LRRC18: variants seen among roughly 807,000 people sequenced by gnomAD.
The protein encoded by LRRC18 is leucine-rich repeat-containing protein 18.
Under a neutral mutation model 11.2 loss-of-function variants are expected in LRRC18, and 12 were observed. The observed-to-expected ratio is 1.07, with a 90% CI of 0.69 to 1.74. The LOEUF is 1.74. Among genes scored for constraint, LRRC18 ranks in the 40% most tolerant of loss-of-function variants. The pLI, the probability that LRRC18 is intolerant of heterozygous loss-of-function variation, is 0.00. For synonymous variants in LRRC18, 155 were observed against 130.6 expected, an observed-to-expected ratio of 1.19 and a Z score of -1.27; for missense variants, 374 against 330.5, an observed-to-expected ratio of 1.13 and a Z score of -1.02.
chr10:48,913,669 T>A (rs145385330), exon 1 of LRRC18: 2 of 1,613,716 alleles, frequency 1.2e-6, no homozygotes, highest in Non-Finnish European at 1.7e-6. Flanking sequence ...AGCTTGGAGA[T>A]GCTCACGGGG....
At chr10:48,914,980 A>G (rs573417277), upstream of LRRC18, among the ~76,000 whole-genome samples, 3 of 152,286 alleles carry the variant, frequency 2.0e-5, no homozygotes, top group Non-Finnish European at 4.4e-5. Context: ...AACTTGATAA[A>G]TGGCCGTGAC....
the LRRC18 span, among the ~76,000 whole-genome samples, chr10:48,937,915 C>T: frequency 6.6e-6 from 1 of 152,134 alleles, no homozygotes; most frequent in African/African-American, 2.4e-5. Flanking sequence ...CTGTCCCTGC[C>T]ACACTCTACC....
chr10:48,916,979 A>T (rs985582705), upstream of LRRC18, among the ~76,000 whole-genome samples: 3 of 151,978 alleles, frequency 2.0e-5, no homozygotes, highest in Admixed American at 6.6e-5. Flanking sequence ...GTCCCATAAG[A>T]TTGTGATACT....
chr10:48,925,137 C>T, the LRRC18 span, among the ~76,000 whole-genome samples: 1 of 152,220 alleles, frequency 6.6e-6, no homozygotes, highest in Non-Finnish European at 1.5e-5. Context: ...CTCAACAACT[C>T]ACTCATTCAA....
the LRRC18 span, among the ~76,000 whole-genome samples, chr10:48,928,844 A>G: frequency 1.3e-5 from 2 of 152,296 alleles, no homozygotes; most frequent in South Asian, 4.1e-4. Context: ...ACACAGCTGA[A>G]CTTCCCACAG....
At chr10:48,918,473 G>A (rs1838752559), upstream of LRRC18, among the ~76,000 whole-genome samples, 2 of 152,222 alleles carry the variant, frequency 1.3e-5, no homozygotes, top group African/African-American at 4.8e-5. Context: ...AAATTTACAG[G>A]AAGTAAGACC....
chr10:48,913,331 C>T, intron 1 of LRRC18, 61 bp downstream of exon 3: 1 of 1,513,110 alleles, frequency 6.6e-7, no homozygotes, highest in South Asian at 1.2e-5. Context: ...TGGAGGTAGC[C>T]CACTGCCCTC....
the LRRC18 span, among the ~76,000 whole-genome samples, chr10:48,919,605 A>G: frequency 1.3e-5 from 2 of 152,216 alleles, no homozygotes; most frequent in Admixed American, 6.5e-5. Flanking sequence ...TGGTAAGAGC[A>G]TGCTACCTGG....
chr10:48,938,303 A>G, the LRRC18 span, among the ~76,000 whole-genome samples: 147,742 of 152,376 alleles, frequency 0.97, 71,805 homozygotes, highest in East Asian at 1. Flanking sequence ...TGTCTGCCAT[A>G]TTAGGGCTAC....
the LRRC18 span, among the ~76,000 whole-genome samples, chr10:48,920,104 C>T: frequency 2.7e-5 from 4 of 148,388 alleles, no homozygotes; most frequent in Non-Finnish European, 4.5e-5. Flanking sequence ...TGTAACATAC[C>T]ATATTAACAG....
At chr10:48,927,850 G>T in the LRRC18 span, among the ~76,000 whole-genome samples, 12 of 152,086 alleles carry the variant, frequency 7.9e-5, no homozygotes, top group Admixed American at 2.0e-4. Flanking sequence ...TGTTTTAATT[G>T]GATTTGTTAA....
upstream of LRRC18, among the ~76,000 whole-genome samples, chr10:48,918,766 AG>A: frequency 6.6e-6 from 1 of 152,318 alleles, no homozygotes; most frequent in African/African-American, 2.4e-5. Flanking sequence ...GGATGGTGAC[AG>A]GGCTTGGGGG....
exon 1 of LRRC18, chr10:48,913,553 C>T: frequency 1.9e-6 from 3 of 1,614,126 alleles, no homozygotes; most frequent in Non-Finnish European, 2.5e-6. Flanking sequence ...CCTTCTCCTC[C>T]ACAACATACA....
At chr10:48,914,884 G>C (rs369426976), upstream of LRRC18, among the ~76,000 whole-genome samples, 1 of 152,128 alleles carries the variant, frequency 6.6e-6, no homozygotes, top group East Asian at 1.9e-4. Context: ...TGGGGGGTGC[G>C]GGCAAAGCTC....
chr10:48,929,882 A>G, the LRRC18 span, among the ~76,000 whole-genome samples: 1 of 151,810 alleles, frequency 6.6e-6, no homozygotes, highest in South Asian at 2.1e-4. Flanking sequence ...TCCACCCCCA[A>G]TTAATAAAGC....
the LRRC18 span, among the ~76,000 whole-genome samples, chr10:48,926,865 T>C: frequency 6.6e-6 from 1 of 152,166 alleles, no homozygotes; most frequent in African/African-American, 2.4e-5. Flanking sequence ...TAGGTGGCAA[T>C]GGAGGCAGGA....
At chr10:48,913,478 G>T (rs746650659) in exon 1 of LRRC18, 3 of 1,595,594 alleles carry the variant, frequency 1.9e-6, no homozygotes, top group Non-Finnish European at 2.6e-6. Context: ...TCGTGGCCAT[G>T]TTCTTGATTC....
At chr10:48,926,158 C>T in the LRRC18 span, among the ~76,000 whole-genome samples, 9 of 152,322 alleles carry the variant, frequency 5.9e-5, no homozygotes, top group East Asian at 1.4e-3. Context: ...CACTGCCTCC[C>T]GGGAGAGGAA....
At chr10:48,914,880 G>C (rs1007848532), upstream of LRRC18, among the ~76,000 whole-genome samples, 13 of 152,320 alleles carry the variant, frequency 8.5e-5, no homozygotes, top group African/African-American at 3.1e-4. Context: ...GGGATGGGGG[G>C]TGCGGGCAAA....
Sources: gnomAD v4.1 joint callset for allele counts (sites outside exome capture counted in the v4.1 genomes callset) on GRCh38, gnomAD v4.1.1 for gene constraint, MANE v1.5 for transcripts, NCBI Gene and HGNC (gene_info 2026-07-23, HGNC 2026-07-21) for gene names.